The following RBFOX1 variants were observed in gnomAD, a reference collection of about 807,000 sequenced individuals.
The protein encoded by RBFOX1 is RNA binding fox-1 homolog 1.
In RBFOX1, 8 loss-of-function variants were observed where a neutral mutation model predicts 57.7. The observed-to-expected ratio is 0.14, with a 90% confidence interval of 0.08 to 0.25. The LOEUF (loss-of-function observed/expected upper bound fraction) is 0.25. RBFOX1 is among the 10% of genes least tolerant of loss of function. The pLI is 1.00. For missense variants in RBFOX1, 611 were observed against 548.5 expected, an observed-to-expected ratio of 1.11 and a Z score of -1.14; for synonymous variants, 326 against 222.4, an observed-to-expected ratio of 1.47 and a Z score of -4.15.
intron 4 of RBFOX1, among the ~76,000 whole-genome samples, chr16:7,216,395 C>T (rs1030935139): frequency 6.6e-6 from 1 of 152,082 alleles, no homozygotes; most frequent in East Asian, 1.9e-4. Flanking sequence ...TGGCTCATGC[C>T]TGTAATCCCA....
rs527619542 is a variant in RBFOX1, at chr16:6,394,209, C to A, written c.-64+77152C>A. Among the ~76,000 whole-genome samples, 13 of 152,262 alleles carry A rather than the reference C, an allele frequency of 8.5e-5. No individual in the cohort carries two copies. The South Asian group carries it at 2.3e-3, about 27-fold the overall frequency. ...CTCAGAAGTTGACATATTGTTTGAC[C>A]TTGAGCAATCTGCTTAATTTCATAG... is the stretch of plus-strand genomic sequence containing the variant. On this transcript the variant is annotated intron_variant, in intron 2 of 15. Coordinates refer to ENST00000550418, the MANE Select transcript of RBFOX1 (RefSeq NM_018723.4).
chr16:6,590,541 C>A (rs537832404), intron 2 of RBFOX1, among the ~76,000 whole-genome samples: 1 of 152,116 alleles, frequency 6.6e-6, no homozygotes, highest in Non-Finnish European at 1.5e-5. Flanking sequence ...GAGCCCCCTG[C>A]GACTAGTTTG....
At chr16:7,343,861 T>C (rs547520806) in intron 4 of RBFOX1, among the ~76,000 whole-genome samples, 2 of 152,252 alleles carry the variant, frequency 1.3e-5, no homozygotes, top group East Asian at 3.9e-4. Context: ...CTTTGAGTGG[T>C]TGTTAAAGGA....
chr16:7,411,798 G>A (rs972219739), intron 4 of RBFOX1, among the ~76,000 whole-genome samples: 2 of 151,834 alleles, frequency 1.3e-5, no homozygotes, highest in African/African-American at 4.8e-5. Flanking sequence ...AGCTACGTGG[G>A]AGGCTGAGGC....
chr16:6,711,598 C>A (rs189905642), intron 3 of RBFOX1, among the ~76,000 whole-genome samples: 1 of 152,172 alleles, frequency 6.6e-6, no homozygotes, highest in Non-Finnish European at 1.5e-5. Context: ...TAAGACATGC[C>A]TTACTTCCCC....
At chr16:5,549,065 C>G (rs1462079429) in intron 2 of RBFOX1, among the ~76,000 whole-genome samples, 1 of 152,194 alleles carries the variant, frequency 6.6e-6, no homozygotes, top group African/African-American at 2.4e-5. Context: ...AGATAGTATT[C>G]TGAAAAGAGA....
At chr16:7,057,075 T>G (rs1255747397) in intron 4 of RBFOX1, among the ~76,000 whole-genome samples, 1 of 150,328 alleles carries the variant, frequency 6.7e-6, no homozygotes, top group Non-Finnish European at 1.5e-5. Context: ...GGTGAGCTAC[T>G]GTTAATACAG....
chr16:6,228,987 T>C (rs1054701670), intron 1 of RBFOX1, among the ~76,000 whole-genome samples: 1 of 152,318 alleles, frequency 6.6e-6, no homozygotes, highest in South Asian at 2.1e-4. Context: ...TTGGCGTTTA[T>C]ATTAAATGAT....
intron 3 of RBFOX1, among the ~76,000 whole-genome samples, chr16:5,856,707 G>C (rs916571580): frequency 6.6e-6 from 1 of 150,536 alleles, no homozygotes; most frequent in Admixed American, 6.6e-5. Context: ...TAAACCTCAT[G>C]AGCCAGGCTC....
chr16:6,224,627 A>T (rs1480069396), intron 1 of RBFOX1, among the ~76,000 whole-genome samples: 1 of 152,154 alleles, frequency 6.6e-6, no homozygotes, highest in African/African-American at 2.4e-5. Flanking sequence ...TTTCTGCTTC[A>T]TATGTACCAC....
chr16:6,086,360 C>T (rs756960371), intron 1 of RBFOX1, among the ~76,000 whole-genome samples: 56 of 152,136 alleles, frequency 3.7e-4, no homozygotes, highest in African/African-American at 1.2e-3. Context: ...ATTTTTCATG[C>T]GAGTGTTCTG....
At chr16:6,656,859 C>G (rs1339767921) in intron 3 of RBFOX1, among the ~76,000 whole-genome samples, 4 of 150,326 alleles carry the variant, frequency 2.7e-5, no homozygotes, top group Non-Finnish European at 4.4e-5. Context: ...AAAAAAGAGT[C>G]TTTTAAACAA....
At chr16:7,515,802 C>T (rs1490317771) in intron 4 of RBFOX1, among the ~76,000 whole-genome samples, 1 of 152,126 alleles carries the variant, frequency 6.6e-6, no homozygotes, top group Non-Finnish European at 1.5e-5. Context: ...AGGTTGGCCT[C>T]ACGTGTAGGG....
chr16:5,252,809 A>G (rs1179714935), intron 1 of RBFOX1, among the ~76,000 whole-genome samples: 2 of 152,232 alleles, frequency 1.3e-5, no homozygotes, highest in South Asian at 2.1e-4. Context: ...GGGCCTGCAG[A>G]TGAAACGGAA....
chr16:6,070,244 G>A, intron 1 of RBFOX1, among the ~76,000 whole-genome samples: 1 of 152,228 alleles, frequency 6.6e-6, no homozygotes, highest in South Asian at 2.1e-4. Flanking sequence ...TCTGTATGTG[G>A]CTCCCCCAAA....
chr16:6,543,677 G>T (rs1401284364), intron 2 of RBFOX1, among the ~76,000 whole-genome samples: 1 of 152,162 alleles, frequency 6.6e-6, no homozygotes, highest in African/African-American at 2.4e-5. Flanking sequence ...GGCAGGGGAG[G>T]AGAGAGGAGA....
At chr16:5,458,275 T>C (rs552809860) in intron 1 of RBFOX1, among the ~76,000 whole-genome samples, 4 of 152,264 alleles carry the variant, frequency 2.6e-5, no homozygotes, top group South Asian at 2.1e-4. Flanking sequence ...CATGTAGTCA[T>C]TTTCTATGTC....
intron 1 of RBFOX1, among the ~76,000 whole-genome samples, chr16:6,289,585 TGTCTTTCC>T (rs1367758786): frequency 3.3e-5 from 5 of 152,110 alleles, no homozygotes; most frequent in African/African-American, 1.2e-4. Context: ...TTTAATTGAG[TGTCTTTCC>T]GTCCTCTAGC....
At chr16:7,549,910 T>C (rs2085804164) in intron 5 of RBFOX1, among the ~76,000 whole-genome samples, 3 of 152,008 alleles carry the variant, frequency 2.0e-5, no homozygotes, top group Non-Finnish European at 2.9e-5. Flanking sequence ...TTAACCATCA[T>C]CATATCCTTC....
Sources: gnomAD v4.1 joint callset for allele counts (sites outside exome capture counted in the v4.1 genomes callset) on GRCh38, gnomAD v4.1.1 for gene constraint, MANE v1.5 for transcripts, NCBI Gene and HGNC (gene_info 2026-07-23, HGNC 2026-07-21) for gene names.